Variants in TNFAIP8 observed in about 807,000 individuals in gnomAD.
TNFAIP8 encodes the protein tumor necrosis factor alpha-induced protein 8.
A neutral mutation model predicts 13.3 loss-of-function variants in TNFAIP8; 7 were observed. That is an observed-to-expected ratio of 0.52 (90% CI 0.30 to 0.99). The LOEUF is 0.99. TNFAIP8 is among the 50% of genes least tolerant of loss of function. The pLI, the probability that TNFAIP8 is intolerant of heterozygous loss-of-function variation, is 0.07. For synonymous variants in TNFAIP8, 94 were observed against 87.6 expected (o/e 1.07, Z -0.41); for missense variants, 258 against 236.9 (o/e 1.09, Z -0.58).
At chr5:119,358,099 C>CT (rs5870854) in intron 1 of TNFAIP8, among the ~76,000 whole-genome samples, 20,842 of 141,592 alleles carry the variant, frequency 0.15, 2,569 homozygotes, top group African/African-American at 0.34. Context: ...TTATACGTAG[C>CT]TTTTTTTTTT....
intron 1 of TNFAIP8, among the ~76,000 whole-genome samples, chr5:119,374,564 G>T (rs1186627229): frequency 6.6e-6 from 1 of 152,226 alleles, no homozygotes; most frequent in East Asian, 1.9e-4. Flanking sequence ...GTCAGAGTTG[G>T]ACGCCTTCTA....
At chr5:119,308,021 A>C (rs572955282) in intron 1 of TNFAIP8, among the ~76,000 whole-genome samples, 6 of 152,214 alleles carry the variant, frequency 3.9e-5, no homozygotes, top group Non-Finnish European at 8.8e-5. Flanking sequence ...GAAAAATACT[A>C]ATATCATGTT....
At chr5:119,365,768 G>A (rs1751827878) in intron 1 of TNFAIP8, among the ~76,000 whole-genome samples, 1 of 152,164 alleles carries the variant, frequency 6.6e-6, no homozygotes, top group South Asian at 2.1e-4. Flanking sequence ...TATCTAGAAT[G>A]AAAATGCATG....
At chr5:119,333,046 TTTTTTTTATTTTC>T (rs1750432263) in intron 1 of TNFAIP8, 1 of 153,284 alleles carries the variant, frequency 6.5e-6, no homozygotes, top group African/African-American at 4.4e-5. Context: ...GAATGAGGTG[TTTTTTTTATTTTC>T]TTTTTTTCAG....
chr5:119,311,764 A>G (rs1749740523), intron 1 of TNFAIP8, among the ~76,000 whole-genome samples: 1 of 151,898 alleles, frequency 6.6e-6, no homozygotes, highest in South Asian at 2.1e-4. Context: ...TAGCAAGAGC[A>G]GAGTAAAATT....
chr5:119,295,892 A>G (rs1378641343), intron 1 of TNFAIP8, among the ~76,000 whole-genome samples: 20 of 151,792 alleles, frequency 1.3e-4, no homozygotes, highest in Admixed American at 2.6e-4. Flanking sequence ...CTTTGAAGCA[A>G]TTGTGAATGG....
chr5:119,346,017 G>A (rs937328964), intron 1 of TNFAIP8, among the ~76,000 whole-genome samples: 2 of 152,146 alleles, frequency 1.3e-5, no homozygotes, highest in African/African-American at 2.4e-5. Context: ...GCCCCTACCC[G>A]TGGGCCGTGG....
At chr5:119,333,125 C>A in intron 1 of TNFAIP8, 19 of 759,228 alleles carry the variant, frequency 2.5e-5, no homozygotes, top group South Asian at 6.0e-5. Context: ...TTCTAAGTAT[C>A]TGTTTCTATT....
At chr5:119,363,393 A>G (rs1751705443) in intron 1 of TNFAIP8, among the ~76,000 whole-genome samples, 1 of 152,214 alleles carries the variant, frequency 6.6e-6, no homozygotes, top group Non-Finnish European at 1.5e-5. Context: ...TGCCAAGAGC[A>G]AGTGCCCCAG....
chr5:119,397,692 GT>G lies in TNFAIP8; in HGVS notation c.*4312del, dbSNP rs1343492803. The G allele has an allele frequency of 6.6e-6, 1 of 152,170 alleles. No homozygotes were observed. The highest frequency in any genetic ancestry group is 1.5e-5 in the Non-Finnish European group (1 of 68,030). 9.4% of individuals were successfully genotyped at this position (152,170 alleles called of 1,614,324 possible). A position where few individuals can be genotyped will look rare whatever the true frequency, so the allele number is the denominator to read the frequency against. On this transcript the variant is annotated 3_prime_UTR_variant, in exon 2 of 2. Transcript: ENST00000504771. ...TATTGAAGCATTAACCAGAAAATGAGTCAGCTTTTTGTTTCCAAAATGATGC... is the reference window on the plus strand; with the variant it reads ...TATTGAAGCATTAACCAGAAAATGAGCAGCTTTTTGTTTCCAAAATGATGC...
intron 1 of TNFAIP8, among the ~76,000 whole-genome samples, chr5:119,314,399 G>A (rs1235271493): frequency 6.6e-6 from 1 of 152,178 alleles, no homozygotes; most frequent in Non-Finnish European, 1.5e-5. Context: ...TCTGTGAAAT[G>A]TTTCCTCTCT....
intron 1 of TNFAIP8, among the ~76,000 whole-genome samples, chr5:119,338,799 A>G (rs1378157166): frequency 6.6e-6 from 1 of 152,186 alleles, no homozygotes; most frequent in Admixed American, 6.5e-5. Context: ...AACTGGAACA[A>G]AGTTTTGATT....
At chr5:119,378,812 G>A (rs1032779905) in intron 1 of TNFAIP8, among the ~76,000 whole-genome samples, 3 of 152,304 alleles carry the variant, frequency 2.0e-5, no homozygotes, top group South Asian at 2.1e-4. Flanking sequence ...AGTGGTTCAC[G>A]CCTGTAATCC....
At chr5:119,368,368 T>A (rs1751945088) in intron 1 of TNFAIP8, among the ~76,000 whole-genome samples, 1 of 138,420 alleles carries the variant, frequency 7.2e-6, no homozygotes, top group Non-Finnish European at 1.5e-5. Context: ...TTTTCCCTCC[T>A]GTCTGTTAAA....
Position 119,326,253 on chromosome 5 carries a change from A to G in TNFAIP8, c.1+57346A>G, listed in dbSNP as rs550041627. 1.1e-3 allele frequency among the ~76,000 whole-genome samples: 167 copies of G among 152,334 alleles called. 1 individual carries two copies. The highest frequency in any genetic ancestry group is 3.8e-3 in the African/African-American group (160 of 41,584). ...TGATGGTTACCTCTTGGAGCCAAAC[A>G]TGGCTATCTCTTGGAGCAAAATGTG... On this transcript the variant is annotated intron_variant, in intron 1 of 1. Transcript: ENST00000274456.
At chr5:119,342,310 G>A (rs1356917815) in intron 1 of TNFAIP8, among the ~76,000 whole-genome samples, 1 of 152,172 alleles carries the variant, frequency 6.6e-6, no homozygotes, top group Non-Finnish European at 1.5e-5. Flanking sequence ...ACCAGCCACT[G>A]AACATGAAGA....
At chr5:119,356,501 AG>A (rs1751425708) in intron 1 of TNFAIP8, among the ~76,000 whole-genome samples, 1 of 152,134 alleles carries the variant, frequency 6.6e-6, no homozygotes. Flanking sequence ...CCCTGAGTGG[AG>A]GGTCCCTTGA....
intron 1 of TNFAIP8, among the ~76,000 whole-genome samples, chr5:119,381,669 C>A (rs141632169): frequency 6.6e-6 from 1 of 152,068 alleles, no homozygotes; most frequent in Admixed American, 6.6e-5. Context: ...CCCAGGGTCC[C>A]GGGTAAGATT....
At position 119,396,091 on chromosome 5, in the gene TNFAIP8, G is replaced by A. The variant is rs1753065759; in HGVS notation, c.*2710G>A. Reference sequence around the variant, plus strand: ...AGGAAACTAGGGGAATAGAAGTTAAGGAATTTCCTGAGGTCACATGTGCTC... The same window carrying A: ...AGGAAACTAGGGGAATAGAAGTTAAAGAATTTCCTGAGGTCACATGTGCTC... On this transcript the variant is annotated 3_prime_UTR_variant, in exon 2 of 2. Coordinates refer to ENST00000504771, the MANE Select transcript of TNFAIP8 (RefSeq NM_014350.4). 2 of 152,136 alleles carry A rather than the reference G, an allele frequency of 1.3e-5. No homozygotes were observed. The highest frequency in any genetic ancestry group is 1.3e-4 in the Admixed American group (2 of 15,268). The allele number at this position is 152,136 out of a possible 1,614,324, so 9.4% of individuals were successfully genotyped here. A position where few individuals can be genotyped will look rare whatever the true frequency, so the allele number is the denominator to read the frequency against.
Sources: gnomAD v4.1 joint callset for allele counts (sites outside exome capture counted in the v4.1 genomes callset) on GRCh38, gnomAD v4.1.1 for gene constraint, MANE v1.5 for transcripts, NCBI Gene and HGNC (gene_info 2026-07-23, HGNC 2026-07-21) for gene names.